KCNB2: variants seen among roughly 807,000 people sequenced by gnomAD.
KCNB2 encodes the protein potassium voltage-gated channel subfamily B member 2, also known as delayed rectifier potassium channel protein.
A neutral mutation model predicts 61.5 loss-of-function variants in KCNB2; 15 were observed. That is an observed-to-expected ratio of 0.24 (90% CI 0.16 to 0.38). KCNB2 has a LOEUF of 0.38. KCNB2 is among the 10% of genes least tolerant of loss of function. The pLI is 1.00. For synonymous variants in KCNB2, 457 were observed against 446.0 expected (o/e 1.02, Z -0.31); for missense variants, 828 against 1,125.2 (o/e 0.74, Z 3.78).
At chr8:72,639,023 T>A (rs1184351087) in intron 2 of KCNB2, among the ~76,000 whole-genome samples, 1 of 152,168 alleles carries the variant, frequency 6.6e-6, no homozygotes, top group Non-Finnish European at 1.5e-5. Context: ...TGTGCTTAAA[T>A]CATCACCTAT....
chr8:72,855,589 G>A (rs180999812), intron 2 of KCNB2, among the ~76,000 whole-genome samples: 122 of 152,060 alleles, frequency 8.0e-4, no homozygotes, highest in African/African-American at 2.7e-3. Context: ...ATTATGTGTC[G>A]ATCAATAGCC....
chr8:72,717,704 A>G (rs1204462860), intron 2 of KCNB2, among the ~76,000 whole-genome samples: 1 of 152,126 alleles, frequency 6.6e-6, no homozygotes, highest in Non-Finnish European at 1.5e-5. Flanking sequence ...TCAAACCATA[A>G]AAACCCTAGA....
At chr8:72,873,037 G>T (rs1292360174) in intron 2 of KCNB2, among the ~76,000 whole-genome samples, 5 of 152,254 alleles carry the variant, frequency 3.3e-5, no homozygotes, top group South Asian at 4.1e-4. Context: ...TCCACTGTGT[G>T]CACCGATGCA....
chr8:72,723,319 A>G (rs1315179783), intron 2 of KCNB2, among the ~76,000 whole-genome samples: 1 of 152,206 alleles, frequency 6.6e-6, no homozygotes, highest in Non-Finnish European at 1.5e-5. Flanking sequence ...GAACTAAAAC[A>G]TATTTAAAAT....
chr8:72,817,594 A>C (rs1434086636), intron 2 of KCNB2, among the ~76,000 whole-genome samples: 1 of 152,112 alleles, frequency 6.6e-6, no homozygotes, highest in Non-Finnish European at 1.5e-5. Context: ...TTTGTTTTTC[A>C]CCTTTCCTCA....
chr8:72,566,534 TA>T (rs35033564), intron 1 of KCNB2, among the ~76,000 whole-genome samples: 125,210 of 144,910 alleles, frequency 0.86, 54,133 homozygotes, highest in East Asian at 0.95. Context: ...ACCCTGTCTC[TA>T]AAAAAAAAAA....
chr8:72,867,326 A>G (rs989053485), intron 2 of KCNB2, among the ~76,000 whole-genome samples: 1 of 152,226 alleles, frequency 6.6e-6, no homozygotes, highest in Non-Finnish European at 1.5e-5. Context: ...ATATTGTACA[A>G]TAAGTACCGT....
intron 2 of KCNB2, among the ~76,000 whole-genome samples, chr8:72,778,172 A>C (rs1157666066): frequency 1.3e-5 from 2 of 152,318 alleles, no homozygotes; most frequent in South Asian, 4.1e-4. Context: ...TTTATAATTA[A>C]TACTCTCTCC....
intron 2 of KCNB2, among the ~76,000 whole-genome samples, chr8:72,614,363 G>A (rs1384402451): frequency 1.3e-5 from 2 of 152,156 alleles, no homozygotes; most frequent in Non-Finnish European, 2.9e-5. Flanking sequence ...ATGATGGTAG[G>A]TGTGGAATCA....
chr8:72,793,187 C>G (rs551476895), intron 2 of KCNB2, among the ~76,000 whole-genome samples: 3 of 152,244 alleles, frequency 2.0e-5, no homozygotes, highest in African/African-American at 7.2e-5. Flanking sequence ...ATTCTAAGTA[C>G]TGGGGTTGGT....
intron 2 of KCNB2, among the ~76,000 whole-genome samples, chr8:72,723,646 T>A (rs1462473766): frequency 6.6e-6 from 1 of 152,148 alleles, no homozygotes; most frequent in African/African-American, 2.4e-5. Context: ...GTCCCTCCTC[T>A]ACCTAGCCTC....
chr8:72,619,313 G>T (rs1805676726), intron 2 of KCNB2: 2 of 614,018 alleles, frequency 3.3e-6, no homozygotes, highest in African/African-American at 3.7e-5. Flanking sequence ...CAGGGGAAAA[G>T]TTCACACTCT....
intron 2 of KCNB2, among the ~76,000 whole-genome samples, chr8:72,757,433 A>T (rs1019810035): frequency 1.3e-5 from 2 of 152,174 alleles, no homozygotes; most frequent in Non-Finnish European, 2.9e-5. Flanking sequence ...CTGGAGGAAA[A>T]GGCAGAATTC....
At chr8:72,741,217 G>A (rs1460021333) in intron 2 of KCNB2, among the ~76,000 whole-genome samples, 2 of 152,032 alleles carry the variant, frequency 1.3e-5, no homozygotes, top group Admixed American at 6.6e-5. Context: ...ACTTCCCCAC[G>A]AGCACTGGCT....
chr8:72,652,372 C>G (rs1427621576), intron 2 of KCNB2, among the ~76,000 whole-genome samples: 1 of 152,076 alleles, frequency 6.6e-6, no homozygotes, highest in Non-Finnish European at 1.5e-5. Context: ...CGTCCGATGT[C>G]TAGACTACTG....
chr8:72,813,208 G>A (rs1338764121), intron 2 of KCNB2, among the ~76,000 whole-genome samples: 1 of 152,146 alleles, frequency 6.6e-6, no homozygotes, highest in African/African-American at 2.4e-5. Flanking sequence ...GTAGGAAACC[G>A]TGCCCAACCA....
chr8:72,856,220 A>G (rs1219925177), intron 2 of KCNB2, among the ~76,000 whole-genome samples: 1 of 152,168 alleles, frequency 6.6e-6, no homozygotes, highest in Non-Finnish European at 1.5e-5. Flanking sequence ...ATATAATGCC[A>G]TATAGCCAAC....
chr8:72,865,883 C>T (rs1284400508), intron 2 of KCNB2, among the ~76,000 whole-genome samples: 1 of 152,164 alleles, frequency 6.6e-6, no homozygotes, highest in Non-Finnish European at 1.5e-5. Flanking sequence ...TTCAGTGCTA[C>T]TTGTAATCAT....
intron 2 of KCNB2, among the ~76,000 whole-genome samples, chr8:72,919,272 C>T (rs1806459169): frequency 6.6e-6 from 1 of 152,134 alleles, no homozygotes; most frequent in East Asian, 1.9e-4. Flanking sequence ...GTGGAGTTCC[C>T]ATAGCCCTGC....
Sources: gnomAD v4.1 joint callset for allele counts (sites outside exome capture counted in the v4.1 genomes callset) on GRCh38, gnomAD v4.1.1 for gene constraint, MANE v1.5 for transcripts, NCBI Gene and HGNC (gene_info 2026-07-23, HGNC 2026-07-21) for gene names.